The following RYR3 variants were observed in gnomAD, a reference collection of about 807,000 sequenced individuals.
The protein encoded by RYR3 is brain ryanodine receptor-calcium release channel.
In RYR3, 207 loss-of-function variants were observed where a neutral mutation model predicts 584.3. The observed-to-expected ratio is 0.35, with a 90% CI of 0.32 to 0.40. The LOEUF is 0.40. Among genes scored for constraint, RYR3 ranks in the 10% least tolerant of loss-of-function variants. RYR3 has a pLI of 1.00. For synonymous variants in RYR3, 2,416 were observed against 2,248.5 expected, an observed-to-expected ratio of 1.07 and a Z score of -2.11; for missense variants, 5,616 against 6,089.2, an observed-to-expected ratio of 0.92 and a Z score of 2.59.
At chr15:33,459,621 C>G (rs1398895252) in intron 1 of RYR3, among the ~76,000 whole-genome samples, 2 of 152,032 alleles carry the variant, frequency 1.3e-5, no homozygotes, top group Non-Finnish European at 2.9e-5. Context: ...GGGCACTGAC[C>G]CTGAAGCCAC....
Position 33,578,663 on chromosome 15 carries a change from G to T in RYR3, c.1269-1313G>T, listed in dbSNP as rs147773940. On this transcript the variant is annotated intron_variant, in intron 12 of 103. Coordinates refer to ENST00000634891, the MANE Select transcript of RYR3 (RefSeq NM_001036.6). ...AGGAAAAATAGCTAATGCATGCCGG[G>T]CCTAATACTTAGGTCAGGGGTTGTT... 5.0e-3 allele frequency among the ~76,000 whole-genome samples: 761 copies of T among 152,056 alleles called. 6 individuals are homozygous for T. Among genetic ancestry groups the T allele is most frequent in the African/African-American group, 0.013 (529 of 41,464 alleles).
Position 33,532,462 on chromosome 15 carries a change from A to G in RYR3, c.355-849A>G, listed in dbSNP as rs114880945. Among the ~76,000 whole-genome samples the G allele has an allele frequency of 7.4e-3, 1,120 of 152,240 alleles. 12 individuals are homozygous for G. The highest frequency in any genetic ancestry group is 0.02 in the African/African-American group (826 of 41,554). On this transcript the variant is annotated intron_variant, in intron 4 of 103. Transcript: ENST00000634891. ...TCAACTTCTGTTTCATTTTTGTGTA[A>G]TTCCTTTTAGTCTGGTTGCTACACA...
intron 8 of RYR3, among the ~76,000 whole-genome samples, chr15:33,545,752 A>G (rs1229501776): frequency 2.0e-5 from 3 of 152,144 alleles, no homozygotes; most frequent in African/African-American, 4.8e-5. Flanking sequence ...TCTGGGGAGC[A>G]TGATAGAATA....
At chr15:33,463,826 G>A (rs2048235824) in intron 1 of RYR3, among the ~76,000 whole-genome samples, 1 of 152,160 alleles carries the variant, frequency 6.6e-6, no homozygotes, top group African/African-American at 2.4e-5. Context: ...AATTACAACA[G>A]TCCTCCCTGT....
At chr15:33,751,994 C>G (rs530830399) in intron 57 of RYR3, among the ~76,000 whole-genome samples, 1 of 152,270 alleles carries the variant, frequency 6.6e-6, no homozygotes, top group South Asian at 2.1e-4. Flanking sequence ...GGAATCCTTT[C>G]CCCATTGCTT....
In RYR3 at chr15:33,837,497, C is replaced by G. The variant is rs991234466; in HGVS notation, c.11651-134C>G. 14 of 956,502 alleles carry G rather than the reference C, an allele frequency of 1.5e-5. No individual in the cohort carries two copies. In the African/African-American group the frequency reaches 2.3e-4, roughly 16 times the overall value. 59.3% of individuals were successfully genotyped at this position (956,502 alleles called of 1,614,324 possible). A position where few individuals can be genotyped will look rare whatever the true frequency, so the allele number is the denominator to read the frequency against. On this transcript the variant is annotated intron_variant, in intron 88 of 103. Transcript: ENST00000634891. ...TGTAGTCTTTATGGCTTGCTGCTCC[C>G]TCCTACATCATCACGGTCAGAGAAG...
chr15:33,810,423 G>A, intron 70 of RYR3, 56 bp from the exon 71 acceptor site: 8 of 1,590,310 alleles, frequency 5.0e-6, no homozygotes, highest in South Asian at 3.4e-5. Context: ...ACAGGAGGCC[G>A]TTCCTTTGGG....
Position 33,699,292 on chromosome 15 carries a change from T to TCTTTCTCTCCTCACTCTTTCCTCA in RYR3, c.6250-396_6250-373dup. Among the ~76,000 whole-genome samples the TCTTTCTCTCCTCACTCTTTCCTCA allele has an allele frequency of 1.6e-5, 2 of 123,694 alleles. 1 individual carries two copies. Among genetic ancestry groups the TCTTTCTCTCCTCACTCTTTCCTCA allele is most frequent in the South Asian group, 6.5e-4 (2 of 3,062 alleles). 81.1% of individuals were successfully genotyped at this position (123,694 alleles called of 152,430 possible). ...TCTCTCCCCCCTCCTCACTCTCTCC[T>TCTTTCTCTCCTCACTCTTTCCTCA]CTTTCTCTCCTCACTCTTTCCTCAC... On this transcript the variant is annotated intron_variant, in intron 40 of 103. Coordinates refer to ENST00000634891, the MANE Select transcript of RYR3 (RefSeq NM_001036.6).
At chr15:33,777,673 A>G (rs149069225) in intron 64 of RYR3, among the ~76,000 whole-genome samples, 1,589 of 152,248 alleles carry the variant, frequency 0.01, 33 homozygotes, top group African/African-American at 0.036. Context: ...ACACAGCACC[A>G]GAGAACTGAG....
At chr15:33,535,691 T>C (rs898357240) in intron 5 of RYR3, among the ~76,000 whole-genome samples, 20 of 152,226 alleles carry the variant, frequency 1.3e-4, no homozygotes, top group African/African-American at 4.8e-4. Flanking sequence ...AACACCGCTT[T>C]TTAGTCAAGT....
intron 12 of RYR3, among the ~76,000 whole-genome samples, chr15:33,570,030 T>A (rs572259050): frequency 6.6e-6 from 1 of 152,278 alleles, no homozygotes; most frequent in African/African-American, 2.4e-5. Flanking sequence ...GGTCTTTGGC[T>A]TTTCTCATTT....
At chr15:33,722,663 A>T in intron 43 of RYR3, 52 bp from the exon 44 acceptor site, 13 of 1,519,888 alleles carry the variant, frequency 8.6e-6, no homozygotes, top group Non-Finnish European at 1.2e-5. Context: ...CTAGAAATAA[A>T]TTCTGGGGTT....
At position 33,773,720 on chromosome 15, in the gene RYR3, C is replaced by T. The variant is rs1596526685; in HGVS notation, c.9137+105C>T. The T allele has an allele frequency of 9.2e-6, 7 of 760,140 alleles. No homozygotes were observed. In the East Asian group the frequency reaches 1.9e-4, roughly 20 times the overall value. The allele number at this position is 760,140 out of a possible 1,614,324, so 47.1% of individuals were successfully genotyped here. On this transcript the variant is annotated intron_variant, in intron 64 of 103. Coordinates refer to ENST00000634891, the MANE Select transcript of RYR3 (RefSeq NM_001036.6). The stretch of plus-strand genomic sequence containing the variant: ...ATTTCAATCCAGCAAGACCAAAATG[C>T]TCACTGATACAGAATGGTGGTTTTG...
rs149082413 is a variant in RYR3 at position 33,348,220 on chromosome 15, G to A, written c.51+37124G>A. On this transcript the variant is annotated intron_variant, in intron 1 of 103. Transcript: ENST00000634891. Reference sequence around the variant, plus strand: ...GCATTTACTAAGTTGTTCAGTTCTAGTATACATAGATAGCTGTATCAAAAT... The same window carrying A: ...GCATTTACTAAGTTGTTCAGTTCTAATATACATAGATAGCTGTATCAAAAT... Among the ~76,000 whole-genome samples, 24 of 152,256 alleles carry A rather than the reference G, an allele frequency of 1.6e-4. No homozygotes were observed. In the East Asian group the frequency reaches 4.6e-3, roughly 29 times the overall value.
intron 1 of RYR3, among the ~76,000 whole-genome samples, chr15:33,362,847 A>G (rs1262637607): frequency 6.6e-6 from 1 of 152,162 alleles, no homozygotes; most frequent in Non-Finnish European, 1.5e-5. Context: ...TAGTATTAAC[A>G]TCTTCTTTCT....
chr15:33,446,103 G>A (rs770870333), intron 1 of RYR3, among the ~76,000 whole-genome samples: 1 of 152,168 alleles, frequency 6.6e-6, no homozygotes, highest in Non-Finnish European at 1.5e-5. Flanking sequence ...TATCCATGGC[G>A]AGGTGCAGAA....
At chr15:33,602,054 T>G (rs1447556873) in intron 17 of RYR3, among the ~76,000 whole-genome samples, 1 of 152,228 alleles carries the variant, frequency 6.6e-6, no homozygotes, top group Non-Finnish European at 1.5e-5. Context: ...AGTCCATGCA[T>G]GTGGCTGCAC....
In RYR3 at chr15:33,635,722, C is replaced by T; in HGVS notation, c.3284C>T (p.Thr1095Ile). 1 of 1,613,958 alleles carries T rather than the reference C, an allele frequency of 6.2e-7. No homozygotes were observed. The highest frequency in any genetic ancestry group is 8.5e-7 in the Non-Finnish European group (1 of 1,179,876). Reference sequence around the variant, plus strand: ...TGGTATTTTGAGTTTGAAGTGGTGACTGGAGGAGACATGCGAGTCGGCTGG... The same window carrying T: ...TGGTATTTTGAGTTTGAAGTGGTGATTGGAGGAGACATGCGAGTCGGCTGG... ...GKWYFEFEVV[T>I]GGDMRVGWAR... is the part of the protein sequence containing the mutation. The change falls in exon 26 of 104, where the codon ACT becomes ATT. Residue 1095 changes from threonine (T) to isoleucine (I), a missense_variant. Physicochemically the swap from Thr to Ile is moderately conservative, Grantham distance 89. Transcript: ENST00000634891.
At chr15:33,391,701 G>A (rs2042010126) in intron 1 of RYR3, among the ~76,000 whole-genome samples, 1 of 151,958 alleles carries the variant, frequency 6.6e-6, no homozygotes, top group South Asian at 2.1e-4. Context: ...GCTGAGTAAA[G>A]TAATAGTGTT....
Sources: allele counts gnomAD v4.1 joint callset (sites outside exome capture counted in the v4.1 genomes callset), GRCh38; gene constraint gnomAD v4.1.1; transcripts MANE v1.5; gene names NCBI Gene and HGNC (gene_info 2026-07-23, HGNC 2026-07-21).